Variants in FKBP1B observed in about 807,000 individuals in gnomAD.
FKBP1B encodes the protein peptidyl-prolyl cis-trans isomerase FKBP1B.
In FKBP1B, 4 loss-of-function variants were observed where a neutral mutation model predicts 13.5. That is an observed-to-expected ratio of 0.30 (90% confidence interval 0.15 to 0.68). FKBP1B has a LOEUF of 0.68. Ranked by LOEUF, FKBP1B falls within the 30% of genes least tolerant of loss-of-function variation. The pLI, the probability that FKBP1B is intolerant of heterozygous loss-of-function variation, is 0.76. For missense variants in FKBP1B, 93 were observed against 136.2 expected (o/e 0.68, Z 1.58); for synonymous variants, 54 against 53.6 (o/e 1.01, Z -0.03).
At chr2:24,062,061 G>A (rs995959336) in intron 3 of FKBP1B, among the ~76,000 whole-genome samples, 2 of 152,016 alleles carry the variant, frequency 1.3e-5, no homozygotes, top group Admixed American at 6.6e-5. Context: ...TAGTAGAGAC[G>A]GGGTTTCACC....
At chr2:24,038,441 G>A in the FKBP1B span, 30 of 1,613,990 alleles carry the variant, frequency 1.9e-5, no homozygotes, top group Non-Finnish European at 2.5e-5. Context: ...GCCACTACGT[G>A]GGCTTTAAGA....
chr2:24,037,097 G>A, the FKBP1B span, among the ~76,000 whole-genome samples: 1 of 152,160 alleles, frequency 6.6e-6, no homozygotes, highest in Non-Finnish European at 1.5e-5. Context: ...GCACAGTCTC[G>A]GCTCACTGAA....
intron 2 of FKBP1B, among the ~76,000 whole-genome samples, chr2:24,060,125 GAA>G (rs34768847): frequency 2.0e-5 from 3 of 148,230 alleles, no homozygotes; most frequent in African/African-American, 4.9e-5. Flanking sequence ...TGTGTTTAAA[GAA>G]AAAAAAAAAT....
In FKBP1B at chr2:24,063,439, T is replaced by C. The variant is rs1029511643; in HGVS notation, c.*247T>C. 6.4e-6 allele frequency: 3 copies of C among 467,830 alleles called. No homozygotes were observed. The highest frequency in any genetic ancestry group is 4.0e-5 in the African/African-American group (2 of 50,160). 29.0% of individuals were successfully genotyped at this position (467,830 alleles called of 1,614,324 possible). ...CAGGTTGTGCATTTTGTGTGATGCA[T>C]GTAGTAGCCTTTCCTGATGACAGAA... On this transcript the variant is annotated 3_prime_UTR_variant, in exon 4 of 4. Transcript: ENST00000380986.
the FKBP1B span, among the ~76,000 whole-genome samples, chr2:24,040,610 T>G: frequency 6.6e-6 from 1 of 152,264 alleles, no homozygotes; most frequent in Non-Finnish European, 1.5e-5. Context: ...CATTCCCTAT[T>G]GCATTTTATC....
At chr2:24,056,813 C>T (rs1167926596) in intron 2 of FKBP1B, among the ~76,000 whole-genome samples, 1 of 152,082 alleles carries the variant, frequency 6.6e-6, no homozygotes, top group East Asian at 1.9e-4. Context: ...GCCTCAGCCT[C>T]CTGAGTAGCT....
intron 2 of FKBP1B, among the ~76,000 whole-genome samples, chr2:24,055,845 T>G (rs1381005545): frequency 6.6e-6 from 1 of 152,160 alleles, no homozygotes; most frequent in Non-Finnish European, 1.5e-5. Flanking sequence ...TACCTGGAAG[T>G]GGGGTACCTC....
At chr2:24,042,519 G>C in the FKBP1B span, among the ~76,000 whole-genome samples, 1 of 130,954 alleles carries the variant, frequency 7.6e-6, no homozygotes, top group Non-Finnish European at 1.6e-5. Flanking sequence ...CTGGGTGACA[G>C]AGCAATACTC....
upstream of FKBP1B, chr2:24,049,676 C>T: frequency 2.3e-6 from 1 of 426,706 alleles, no homozygotes; most frequent in Non-Finnish European, 3.9e-6. Flanking sequence ...CTCCGCCCCG[C>T]CGCCCCCTTG....
chr2:24,051,373 C>G (rs1663862006), intron 1 of FKBP1B, among the ~76,000 whole-genome samples: 1 of 152,002 alleles, frequency 6.6e-6, no homozygotes, highest in African/African-American at 2.4e-5. Context: ...TGACTATGCC[C>G]CTCCCTCAGG....
chr2:24,050,624 C>G lies in FKBP1B; in HGVS notation c.37+738C>G, dbSNP rs756051302. ...CTCCTAAGTGATCCTCTTTATCCCC[C>G]TTCCGTGTCTCACTTTCCCAAGTCC... On this transcript the variant is annotated intron_variant, in intron 1 of 3. Coordinates refer to ENST00000380986, the MANE Select transcript of FKBP1B (RefSeq NM_004116.5). This position sits in a 1 kb window ranked among gnomAD's most constrained non-coding sequence, Gnocchi z 5.8. Among the ~76,000 whole-genome samples, 4 of 152,212 alleles carry G rather than the reference C, an allele frequency of 2.6e-5. No individual in the cohort carries two copies. The highest frequency in any genetic ancestry group is 5.9e-5 in the Non-Finnish European group (4 of 68,042).
At chr2:24,061,602 A>G (rs1028346998) in intron 3 of FKBP1B, among the ~76,000 whole-genome samples, 7 of 152,220 alleles carry the variant, frequency 4.6e-5, no homozygotes, top group African/African-American at 1.7e-4. Flanking sequence ...TATTAAAGAA[A>G]TAGTACAGAG....
At chr2:24,038,387 T>A in the FKBP1B span, 1 of 1,614,230 alleles carries the variant, frequency 6.2e-7, no homozygotes, top group South Asian at 1.1e-5. Flanking sequence ...GAAGATGGAA[T>A]GACAGAGTAG....
intron 2 of FKBP1B, among the ~76,000 whole-genome samples, chr2:24,054,834 A>G (rs534898922): frequency 6.6e-6 from 1 of 152,264 alleles, no homozygotes; most frequent in African/African-American, 2.4e-5. Flanking sequence ...TGATTTAACA[A>G]TTTTGCATGT....
chr2:24,048,739 A>G (rs1426005024), upstream of FKBP1B, among the ~76,000 whole-genome samples: 1 of 152,176 alleles, frequency 6.6e-6, no homozygotes, highest in Non-Finnish European at 1.5e-5. Context: ...ATATTTTTCT[A>G]GATTCCTGAA....
the FKBP1B span, among the ~76,000 whole-genome samples, chr2:24,042,167 C>T: frequency 1.3e-5 from 2 of 151,924 alleles, no homozygotes; most frequent in Non-Finnish European, 2.9e-5. Context: ...TTTGGGAGCC[C>T]GAGAAGGGCA....
rs1424065708 is a variant in FKBP1B, at chr2:24,049,805, G to T, written c.-45G>T. 7.6e-7 allele frequency: 1 copy of T among 1,323,046 alleles called. No homozygotes were observed. Among genetic ancestry groups the T allele is most frequent in the Non-Finnish European group, 9.7e-7 (1 of 1,034,194 alleles). 82.0% of individuals were successfully genotyped at this position (1,323,046 alleles called of 1,614,324 possible). On this transcript the variant is annotated 5_prime_UTR_variant, in exon 1 of 4. Transcript: ENST00000380986. ...CTGGGGCCGGAGCCGAGCCGGGGTC[G>T]GGCAGCAGCAGGGACCCCCCAGAGG...
the FKBP1B span, among the ~76,000 whole-genome samples, chr2:24,035,671 T>C: frequency 2.1e-4 from 32 of 152,030 alleles, no homozygotes; most frequent in Admixed American, 4.6e-4. Context: ...TCCCAGCGCT[T>C]TGGGAGGCTG....
chr2:24,040,964 T>C, the FKBP1B span, among the ~76,000 whole-genome samples: 1 of 150,850 alleles, frequency 6.6e-6, no homozygotes, highest in Non-Finnish European at 1.5e-5. Context: ...TACAGTGAGC[T>C]GAGATCGTGC....
Sources: gnomAD v4.1 joint callset for allele counts (sites outside exome capture counted in the v4.1 genomes callset) on GRCh38, gnomAD v4.1.1 for gene constraint, Gnocchi (gnomAD v3.1) non-coding constraint, MANE v1.5 for transcripts, NCBI Gene and HGNC (gene_info 2026-07-23, HGNC 2026-07-21) for gene names.